Variants in NSUN7 observed in about 807,000 individuals in gnomAD.
NSUN7 encodes NOP2/Sun RNA methyltransferase family member 7, also known as protein NSUN7.
A neutral mutation model predicts 58.5 loss-of-function variants in NSUN7; 39 were observed. The observed-to-expected ratio is 0.67, with a 90% confidence interval of 0.52 to 0.87. The LOEUF (loss-of-function observed/expected upper bound fraction) is 0.87, where lower values mean the gene tolerates loss of function less well. Among genes scored for constraint, NSUN7 ranks in the 40% least tolerant of loss-of-function variants. The pLI is 0.00. For missense variants in NSUN7, 765 were observed against 844.1 expected, an observed-to-expected ratio of 0.91 and a Z score of 1.16; for synonymous variants, 278 against 303.7, an observed-to-expected ratio of 0.92 and a Z score of 0.88.
chr4:40,783,588 C>A (rs553376638), intron 7 of NSUN7, among the ~76,000 whole-genome samples: 1 of 152,286 alleles, frequency 6.6e-6, no homozygotes, highest in East Asian at 1.9e-4. Context: ...TGGCTCATGC[C>A]TGTAATCTCA....
chr4:40,796,236 C>G (rs1250690957), intron 9 of NSUN7, among the ~76,000 whole-genome samples: 3 of 152,172 alleles, frequency 2.0e-5, no homozygotes, highest in Non-Finnish European at 4.4e-5. Context: ...TGCCTGTAGT[C>G]CCAGCTACTT....
At position 40,790,734 on chromosome 4, in the gene NSUN7, A is replaced by G. The variant is rs1743040369; in HGVS notation, c.1169A>G (p.Asn390Ser). The change falls in exon 8 of 12, where the codon AAT becomes AGT. Residue 390 changes from asparagine to serine, a missense_variant. Physicochemically the swap from Asn to Ser is conservative, Grantham distance 46. Transcript: ENST00000381782. ...GVSNPVEFIL[N>S]EHEDTEFLKD... ...AGTAATCCAGTAGAATTTATTTTAA[A>G]TGAACATGAAGGTACTTGTTTTAAT... 6.3e-7 allele frequency: 1 copy of G among 1,580,332 alleles called. No individual in the cohort carries two copies. Among genetic ancestry groups the G allele is most frequent in the Non-Finnish European group, 8.6e-7 (1 of 1,168,398 alleles).
intron 7 of NSUN7, among the ~76,000 whole-genome samples, chr4:40,785,574 T>C (rs1742778252): frequency 6.6e-6 from 1 of 152,076 alleles, no homozygotes; most frequent in Non-Finnish European, 1.5e-5. Context: ...TTGGCCAGGC[T>C]GGTTGTGAAC....
chr4:40,751,456 A>G (rs1486221647), intron 2 of NSUN7, among the ~76,000 whole-genome samples: 2 of 152,020 alleles, frequency 1.3e-5, no homozygotes, highest in Admixed American at 1.3e-4. Context: ...CCCTGTGTTT[A>G]CCTTTTTTGG....
At chr4:40,757,186 A>C (rs1400540454) in intron 2 of NSUN7, among the ~76,000 whole-genome samples, 3 of 152,116 alleles carry the variant, frequency 2.0e-5, no homozygotes, top group Admixed American at 2.0e-4. Context: ...CCGAGATTGC[A>C]CCACTGCACT....
chr4:40,799,200 C>T (rs1743468740), intron 10 of NSUN7, among the ~76,000 whole-genome samples: 1 of 150,544 alleles, frequency 6.6e-6, no homozygotes, highest in Non-Finnish European at 1.5e-5. Flanking sequence ...ATTCTCCTGC[C>T]TCAGCCTCCC....
In NSUN7 at chr4:40,750,694, ATGC is replaced by A. The variant is rs771522464; in HGVS notation, c.4_6del (p.Leu2?). On this transcript the variant is annotated start_lost and inframe_deletion, in exon 2 of 12. Coordinates refer to ENST00000381782, the MANE Select transcript of NSUN7 (RefSeq NM_024677.6). ...GACTCACGACAGGCGAGGGGCAGAC[ATGC>A]TGAATTCCACGGGCGAACTGGAGTT... The A allele has an allele frequency of 1.9e-6, 3 of 1,612,658 alleles. No individual in the cohort carries two copies. Among genetic ancestry groups the A allele is most frequent in the Non-Finnish European group, 2.5e-6 (3 of 1,179,334 alleles).
At chr4:40,807,766 G>C (rs1021057624) in intron 11 of NSUN7, among the ~76,000 whole-genome samples, 9 of 152,032 alleles carry the variant, frequency 5.9e-5, no homozygotes, top group Non-Finnish European at 1.3e-4. Context: ...AAGCAGCCAG[G>C]CATGGGGGCT....
At position 40,808,768 on chromosome 4, in the gene NSUN7, T is replaced by A. The variant is rs564606097; in HGVS notation, c.1986T>A (p.Ser662Arg). ...CTCCAGTCTTTATGCCATTTTCAAG[T>A]CCCCAAGGGATCAGATCTCGGATGC... is the stretch of plus-strand genomic sequence containing the variant. ...VLPPVFMPFS[S>R]PQGIRSRMPT... Residue 662 changes from serine (S) to arginine (R), a missense_variant, in exon 12 of 12, where the codon AGT (serine) becomes AGA (arginine). Physicochemically the swap from Ser to Arg is moderately radical, Grantham distance 110. Transcript: ENST00000381782. 1 of 1,549,104 alleles carries A rather than the reference T, an allele frequency of 6.5e-7. No individual in the cohort carries two copies. The highest frequency in any genetic ancestry group is 1.2e-5 in the South Asian group (1 of 83,820).
chr4:40,784,058 C>T (rs1742699154), intron 7 of NSUN7, among the ~76,000 whole-genome samples: 1 of 152,108 alleles, frequency 6.6e-6, no homozygotes, highest in Non-Finnish European at 1.5e-5. Context: ...AATCATTCAT[C>T]ATTAGGGAAC....
intron 4 of NSUN7, 92 bp from the exon 5 acceptor site, chr4:40,774,173 A>C (rs991268512): frequency 5.2e-5 from 58 of 1,120,998 alleles, no homozygotes; most frequent in Non-Finnish European, 6.4e-5. Flanking sequence ...TTATTTGTTA[A>C]AATTCTAAAT....
At chr4:40,779,731 C>T (rs916834076) in intron 7 of NSUN7, among the ~76,000 whole-genome samples, 11 of 152,070 alleles carry the variant, frequency 7.2e-5, no homozygotes, top group Middle Eastern at 3.4e-3. Context: ...TTAATGTCTG[C>T]GGGACTAAAG....
chr4:40,770,141 C>T (rs902992212), intron 4 of NSUN7, among the ~76,000 whole-genome samples: 15 of 144,168 alleles, frequency 1.0e-4, no homozygotes, highest in South Asian at 6.6e-4. Context: ...ACCCGGGAGG[C>T]GGAGGTTGCA....
At chr4:40,751,739 A>G (rs1453218959) in intron 2 of NSUN7, among the ~76,000 whole-genome samples, 1 of 151,872 alleles carries the variant, frequency 6.6e-6, no homozygotes, top group Non-Finnish European at 1.5e-5. Context: ...CAGGCCTGTA[A>G]TCCCAGCACT....
chr4:40,792,935 C>A (rs752739261), intron 8 of NSUN7, among the ~76,000 whole-genome samples: 35 of 151,874 alleles, frequency 2.3e-4, no homozygotes, highest in Admixed American at 2.6e-4. Flanking sequence ...AACTTAGATA[C>A]AAGGTAGAAT....
chr4:40,776,219 T>G lies in NSUN7; in HGVS notation c.996T>G (p.Asp332Glu). The change falls in exon 7 of 12, where the codon GAT becomes GAG. Residue 332 changes from aspartate to glutamate, a missense_variant. Transcript: ENST00000381782. ...FVCGVQSQAK[D>E]PDLKTLFTKI... ...GTGGAGTACAATCACAAGCTAAGGATCCTGACTTGAAGACCCTTTTCACAA... is the reference window on the plus strand; with the variant it reads ...GTGGAGTACAATCACAAGCTAAGGAGCCTGACTTGAAGACCCTTTTCACAA... 1.2e-6 allele frequency: 2 copies of G among 1,610,290 alleles called. No individual in the cohort carries two copies. Among genetic ancestry groups the G allele is most frequent in the Non-Finnish European group, 1.7e-6 (2 of 1,178,980 alleles).
chr4:40,806,156 G>A lies in NSUN7; in HGVS notation c.1401-905G>A, dbSNP rs531176992. On this transcript the variant is annotated intron_variant, in intron 10 of 11. Coordinates refer to ENST00000381782, the MANE Select transcript of NSUN7 (RefSeq NM_024677.6). Reference sequence around the variant, plus strand: ...ATTACAGGAGTCTGCCACCACACCCGGCTAATTTTTGCATTTTTAGCAGAG... The same window carrying A: ...ATTACAGGAGTCTGCCACCACACCCAGCTAATTTTTGCATTTTTAGCAGAG... Among the ~76,000 whole-genome samples, 8 of 152,114 alleles carry A rather than the reference G, an allele frequency of 5.3e-5. No individual in the cohort carries two copies. The East Asian group carries it at 1.5e-3, about 29-fold the overall frequency.
chr4:40,782,776 G>A (rs577217216), intron 7 of NSUN7, among the ~76,000 whole-genome samples: 57 of 152,248 alleles, frequency 3.7e-4, no homozygotes, highest in African/African-American at 1.3e-3. Context: ...GGCTGAGGTA[G>A]AAGGATCACT....
In NSUN7 at chr4:40,809,993, T is replaced by C. The variant is rs1744107955; in HGVS notation, c.*1054T>C. ...AATAGAATTAAGATACAACTATATATCTTATTATTTAAAAACATTCATAGA... is the reference window on the plus strand; with the variant it reads ...AATAGAATTAAGATACAACTATATACCTTATTATTTAAAAACATTCATAGA... On this transcript the variant is annotated 3_prime_UTR_variant, in exon 12 of 12. Transcript: ENST00000381782. 1 of 152,234 alleles carries C rather than the reference T, an allele frequency of 6.6e-6. No homozygotes were observed. The highest frequency in any genetic ancestry group is 6.5e-5 in the Admixed American group (1 of 15,286). The allele number at this position is 152,234 out of a possible 1,614,324, so 9.4% of individuals were successfully genotyped here.
Sources: allele counts gnomAD v4.1 joint callset (sites outside exome capture counted in the v4.1 genomes callset), GRCh38; gene constraint gnomAD v4.1.1; transcripts MANE v1.5; gene names NCBI Gene and HGNC (gene_info 2026-07-23, HGNC 2026-07-21).